Variants in GBF1 observed in about 807,000 individuals in gnomAD.
GBF1 encodes the protein Golgi-specific brefeldin A-resistance guanine nucleotide exchange factor 1.
GBF1 carries 114 observed loss-of-function variants against 210.5 expected under a neutral mutation model. That is an observed-to-expected ratio of 0.54 (90% CI 0.47 to 0.63). The LOEUF is 0.63. GBF1 is among the 30% of genes least tolerant of loss of function. The pLI is 0.00. For synonymous variants in GBF1, 850 were observed against 889.2 expected, an observed-to-expected ratio of 0.96 and a Z score of 0.78; for missense variants, 1,851 against 2,357.7, an observed-to-expected ratio of 0.79 and a Z score of 4.45.
At chr10:102,350,241 C>T (rs530997354) in intron 4 of GBF1, among the ~76,000 whole-genome samples, 9 of 151,822 alleles carry the variant, frequency 5.9e-5, no homozygotes, top group South Asian at 2.1e-4. Flanking sequence ...CCCAGCTACT[C>T]GGGAAGCCTC....
the GBF1 span, among the ~76,000 whole-genome samples, chr10:102,235,902 A>G: frequency 6.6e-6 from 1 of 152,244 alleles, no homozygotes; most frequent in Non-Finnish European, 1.5e-5. Flanking sequence ...AAATGGGCAG[A>G]GTAACCCAAG....
At chr10:102,349,326 A>G (rs1449427758) in intron 4 of GBF1, among the ~76,000 whole-genome samples, 2 of 152,132 alleles carry the variant, frequency 1.3e-5, no homozygotes, top group Non-Finnish European at 2.9e-5. Context: ...TGAGGTCAGG[A>G]GTTTGTGACC....
Position 102,353,642 on chromosome 10 carries a change from C to T in GBF1, c.627C>T (p.Thr209=), listed in dbSNP as rs1004380953. 6.2e-7 allele frequency: 1 copy of T among 1,608,946 alleles called. No individual in the cohort carries two copies. The highest frequency in any genetic ancestry group is 8.5e-7 in the Non-Finnish European group (1 of 1,175,314). The change falls in exon 8 of 40, where the codon ACC becomes ACT. Residue 209 remains threonine, a synonymous_variant. Coordinates refer to ENST00000369983, the MANE Select transcript of GBF1 (RefSeq NM_001377137.1). ...AAGAACCCAAGAACTATGTGGGGACCAACATGAAGAAGGTATGATCTGAGA... is the reference window on the plus strand; with the variant it reads ...AAGAACCCAAGAACTATGTGGGGACTAACATGAAGAAGGTATGATCTGAGA... ...FKEEPKNYVG[T]NMKKLKMRAG...
intron 3 of GBF1, among the ~76,000 whole-genome samples, chr10:102,282,742 C>G (rs2075611632): frequency 6.6e-6 from 1 of 152,124 alleles, no homozygotes; most frequent in South Asian, 2.1e-4. Context: ...GAACACTAAC[C>G]CAACTAGCCT....
chr10:102,366,257 G>T lies in GBF1; in HGVS notation c.2310-126G>T. On this transcript the variant is annotated intron_variant, in intron 18 of 39. Transcript: ENST00000369983. The surrounding 1 kb of genome is among the most constrained non-coding windows in gnomAD (Gnocchi z 4.0). The stretch of plus-strand genomic sequence containing the variant: ...GTGTTAGGGATGAACAGGAGATACT[G>T]CCCCTTTACTAGAGACCTCAGCCTC... The T allele has an allele frequency of 1.1e-6, 1 of 885,950 alleles. No homozygotes were observed. The allele number at this position is 885,950 out of a possible 1,614,324, so 54.9% of individuals were successfully genotyped here.
intron 1 of GBF1, among the ~76,000 whole-genome samples, chr10:102,247,076 G>C (rs1331117565): frequency 3.9e-5 from 6 of 152,184 alleles, no homozygotes. Context: ...CTTGTGGCCT[G>C]CTTTTGGCCC....
chr10:102,277,713 A>T (rs1474070631), intron 3 of GBF1, among the ~76,000 whole-genome samples: 1 of 152,202 alleles, frequency 6.6e-6, no homozygotes, highest in Non-Finnish European at 1.5e-5. Flanking sequence ...ACTTCAGTGC[A>T]TATTTCCTAA....
chr10:102,340,525 G>A (rs1378163457), intron 3 of GBF1, among the ~76,000 whole-genome samples: 1 of 150,848 alleles, frequency 6.6e-6, no homozygotes, highest in Non-Finnish European at 1.5e-5. Flanking sequence ...CGCCTGCCTC[G>A]GCCTCCCAAA....
chr10:102,237,422 A>C, the GBF1 span, among the ~76,000 whole-genome samples: 3 of 152,304 alleles, frequency 2.0e-5, no homozygotes, highest in Middle Eastern at 6.8e-3. Flanking sequence ...TCAGAGTCTC[A>C]GTGTAGGCCA....
intron 3 of GBF1, among the ~76,000 whole-genome samples, chr10:102,335,895 T>C (rs2057694223): frequency 6.6e-6 from 1 of 152,214 alleles, no homozygotes; most frequent in Non-Finnish European, 1.5e-5. Flanking sequence ...TCCCAAATTG[T>C]ACCGTAAATA....
chr10:102,232,154 C>G, the GBF1 span: 8 of 915,250 alleles, frequency 8.7e-6, no homozygotes, highest in Non-Finnish European at 1.4e-5. Flanking sequence ...TTAGCTAGGT[C>G]CCAGCAGCGT....
chr10:102,329,613 G>A (rs1042149307), intron 3 of GBF1, among the ~76,000 whole-genome samples: 3 of 151,970 alleles, frequency 2.0e-5, no homozygotes, highest in Admixed American at 6.6e-5. Context: ...ACAGGTGCCC[G>A]CCACCACACC....
chr10:102,246,354 T>TA (rs1480279879), intron 1 of GBF1, among the ~76,000 whole-genome samples: 1 of 152,224 alleles, frequency 6.6e-6, no homozygotes, highest in African/African-American at 2.4e-5. Context: ...GCTTCCCTCT[T>TA]ACAGGACAGC....
At chr10:102,235,438 C>T in the GBF1 span, among the ~76,000 whole-genome samples, 2 of 152,136 alleles carry the variant, frequency 1.3e-5, no homozygotes, top group South Asian at 2.1e-4. Flanking sequence ...TCTAGATTCA[C>T]GTCCTGGCTG....
intron 3 of GBF1, among the ~76,000 whole-genome samples, chr10:102,339,353 ACT>A (rs1397096237): frequency 5.9e-5 from 9 of 151,368 alleles, no homozygotes; most frequent in Non-Finnish European, 1.3e-4. Flanking sequence ...ACAGAGCGAG[ACT>A]CTGTCTCAAA....
Position 102,362,482 on chromosome 10 carries a change from T to C in GBF1, c.1694T>C (p.Phe565Ser). ...GATCTGTTTACTTTCCAGAATGCCT[T>C]CCCTGTGTCTGGTCAACTCTATACA... ...ELTKLLSKNA[F>S]PVSGQLYTTH... The change falls in exon 15 of 40, where the codon TTC becomes TCC. Residue 565 changes from phenylalanine (F) to serine (S), a missense_variant. By Grantham distance (155) the Phe-to-Ser change is radical. Around this residue, in one of 3 missense-constraint regions of GBF1, gnomAD observed 804 missense variants for 958.6 expected, o/e 0.84. Coordinates refer to ENST00000369983, the MANE Select transcript of GBF1 (RefSeq NM_001377137.1). The C allele has an allele frequency of 6.2e-7, 1 of 1,608,082 alleles. No homozygotes were observed. The highest frequency in any genetic ancestry group is 8.5e-7 in the Non-Finnish European group (1 of 1,174,936).
At chr10:102,231,940 C>A in the GBF1 span, 3 of 1,588,898 alleles carry the variant, frequency 1.9e-6, no homozygotes, top group Non-Finnish European at 1.7e-6. Context: ...ATGTCCTGCA[C>A]CCCCGGAAGG....
rs1464562029 is a variant in GBF1 at position 102,353,718 on chromosome 10, T to TG, written c.639+68dup. ...CCTTAATCTCCCAACTTCAGTGCCT[T>TG]GGGGTAACCTTGCTTAGCAAAGATA... On this transcript the variant is annotated intron_variant, in intron 8 of 39. Transcript: ENST00000369983. The TG allele has an allele frequency of 6.9e-6, 8 of 1,166,786 alleles. No individual in the cohort carries two copies. In the East Asian group the frequency reaches 7.0e-5, roughly 10 times the overall value. The allele number at this position is 1,166,786 out of a possible 1,614,324, so 72.3% of individuals were successfully genotyped here. A position where few individuals can be genotyped will look rare whatever the true frequency, so the allele number is the denominator to read the frequency against.
intron 38 of GBF1, 40 bp from the exon 39 acceptor site, chr10:102,381,087 A>G (rs1463658434): frequency 6.3e-7 from 1 of 1,593,734 alleles, no homozygotes; most frequent in Non-Finnish European, 8.6e-7. Context: ...GGAGAGAGAA[A>G]GCACTAAGAG....
Sources: allele counts gnomAD v4.1 joint callset (sites outside exome capture counted in the v4.1 genomes callset), GRCh38; gene constraint gnomAD v4.1.1; regional missense constraint gnomAD v4.1.1; non-coding constraint Gnocchi (gnomAD v3.1); transcripts MANE v1.5; gene names NCBI Gene and HGNC (gene_info 2026-07-23, HGNC 2026-07-21).